CDK14: variants seen among roughly 807,000 people sequenced by gnomAD.
CDK14 encodes cyclin-dependent kinase 14.
CDK14 carries 34 observed loss-of-function variants against 60.7 expected under a neutral mutation model. That is an observed-to-expected ratio of 0.56 (90% CI 0.43 to 0.75). The LOEUF is 0.75. Ranked by LOEUF, CDK14 falls within the 30% of genes least tolerant of loss-of-function variation. CDK14 has a pLI of 0.00. For missense variants in CDK14, 482 were observed against 564.1 expected (o/e 0.85, Z 1.47); for synonymous variants, 197 against 203.7 (o/e 0.97, Z 0.28).
At chr7:90,687,482 AAGG>A (rs773753763) in intron 2 of CDK14, among the ~76,000 whole-genome samples, 29 of 152,256 alleles carry the variant, frequency 1.9e-4, no homozygotes, top group Non-Finnish European at 2.8e-4. Flanking sequence ...GAAGATGGAA[AAGG>A]AGGGCTTTTT....
chr7:90,828,345 T>C (rs1789794926), intron 5 of CDK14, among the ~76,000 whole-genome samples: 1 of 152,218 alleles, frequency 6.6e-6, no homozygotes, highest in Admixed American at 6.5e-5. Context: ...GACACCATTT[T>C]GTATAGTCAG....
intron 10 of CDK14, among the ~76,000 whole-genome samples, chr7:91,035,355 G>T (rs546573242): frequency 1.3e-5 from 2 of 152,112 alleles, no homozygotes; most frequent in Non-Finnish European, 2.9e-5. Context: ...CCTCATAAAG[G>T]TGCTGATTCC....
intron 2 of CDK14, among the ~76,000 whole-genome samples, chr7:90,642,249 C>T (rs1224599746): frequency 6.6e-6 from 1 of 152,186 alleles, no homozygotes; most frequent in Non-Finnish European, 1.5e-5. Context: ...CCAGAAATGA[C>T]ATACTTTGCA....
intron 11 of CDK14, among the ~76,000 whole-genome samples, chr7:91,047,872 C>G (rs1797285245): frequency 6.6e-6 from 1 of 152,112 alleles, no homozygotes; most frequent in African/African-American, 2.4e-5. Flanking sequence ...ACTTACCAGA[C>G]CATCCAGGGG....
At chr7:90,726,311 GC>G in intron 2 of CDK14, 1 of 983,976 alleles carries the variant, frequency 1.0e-6, no homozygotes, top group Non-Finnish European at 1.2e-6. Context: ...GGTACTACTA[GC>G]AGCCTGGGCC....
rs1231596182 is a variant in CDK14, at chr7:91,077,886, A to G, written c.1106-1546A>G. ...AGAATCCAATATTAAATTTGGTACC[A>G]GCTATGAAAAGTGAAATTTGAAACA... On this transcript the variant is annotated intron_variant, in intron 11 of 14. Transcript: ENST00000380050. 2.0e-5 allele frequency among the ~76,000 whole-genome samples: 3 copies of G among 152,128 alleles called. No homozygotes were observed. The East Asian group carries it at 5.8e-4, about 29-fold the overall frequency.
chr7:90,772,636 T>C (rs1312125672), intron 4 of CDK14, among the ~76,000 whole-genome samples: 1 of 152,178 alleles, frequency 6.6e-6, no homozygotes, highest in Non-Finnish European at 1.5e-5. Flanking sequence ...TGCTTCCCCT[T>C]CGCCCTTCTG....
chr7:90,861,619 C>T (rs1791012080), intron 5 of CDK14, among the ~76,000 whole-genome samples: 1 of 151,814 alleles, frequency 6.6e-6, no homozygotes, highest in Admixed American at 6.6e-5. Flanking sequence ...AACGGTGGTA[C>T]CTGTTAAGAC....
intron 5 of CDK14, among the ~76,000 whole-genome samples, chr7:90,852,488 A>G (rs900908560): frequency 5.3e-5 from 6 of 112,960 alleles, no homozygotes; most frequent in African/African-American, 1.8e-4. Context: ...AATAATGTGA[A>G]GCAGAAAAGT....
rs199768698 is a variant in CDK14 at position 91,112,700 on chromosome 7, C to T, written c.1294+19C>T. 1.3e-5 allele frequency: 21 copies of T among 1,612,114 alleles called. No homozygotes were observed. Among genetic ancestry groups the T allele is most frequent in the Middle Eastern group, 3.3e-4 (2 of 6,054 alleles). ...ACCGACAGTGAGTATGACAAATCCA[C>T]AACATCCAGTCCAAGCAGACACATC... is the stretch of plus-strand genomic sequence containing the variant. On this transcript the variant is annotated intron_variant, in intron 13 of 14. Coordinates refer to ENST00000380050, the MANE Select transcript of CDK14 (RefSeq NM_001287135.2).
chr7:90,796,097 T>C (rs903251242), intron 5 of CDK14, among the ~76,000 whole-genome samples: 2 of 152,116 alleles, frequency 1.3e-5, no homozygotes, highest in South Asian at 4.1e-4. Context: ...GGCAACATAA[T>C]TTCATTTTAA....
chr7:91,061,945 A>C (rs1797807678), intron 11 of CDK14, among the ~76,000 whole-genome samples: 1 of 152,172 alleles, frequency 6.6e-6, no homozygotes, highest in Non-Finnish European at 1.5e-5. Flanking sequence ...AAGGACATTT[A>C]AGTCTGTAGA....
At position 90,821,471 on chromosome 7, in the gene CDK14, C is replaced by T. The variant is rs1789547320; in HGVS notation, c.544+30819C>T. On this transcript the variant is annotated intron_variant, in intron 5 of 14. Coordinates refer to ENST00000380050, the MANE Select transcript of CDK14 (RefSeq NM_001287135.2). ...TTTGTTCGTGTGGCTGTCCTTTGCTCTGTAACTGCCCTCTGAGTCTCCTCC... is the reference window on the plus strand; with the variant it reads ...TTTGTTCGTGTGGCTGTCCTTTGCTTTGTAACTGCCCTCTGAGTCTCCTCC... Among the ~76,000 whole-genome samples, 5 of 152,326 alleles carry T rather than the reference C, an allele frequency of 3.3e-5. No individual in the cohort carries two copies. The South Asian group carries it at 8.3e-4, about 25-fold the overall frequency.
intron 2 of CDK14, among the ~76,000 whole-genome samples, chr7:90,606,638 A>G (rs1468549248): frequency 6.6e-6 from 1 of 152,224 alleles, no homozygotes; most frequent in East Asian, 1.9e-4. Context: ...GATGACTTGC[A>G]TATTAAAACT....
intron 2 of CDK14, among the ~76,000 whole-genome samples, chr7:90,671,199 T>C (rs10257370): frequency 0.75 from 114,328 of 151,964 alleles, 43,644 homozygotes; most frequent in East Asian, 0.96. Context: ...ATTGTCAGCA[T>C]ACCTATTTCC....
intron 4 of CDK14, among the ~76,000 whole-genome samples, chr7:90,772,301 C>A (rs1804816005): frequency 6.6e-6 from 1 of 152,284 alleles, no homozygotes; most frequent in African/African-American, 2.4e-5. Context: ...ACCAATAAAT[C>A]AAAATGCAGG....
rs559848335 is a variant in CDK14 at position 91,113,513 on chromosome 7, G to A, written c.1294+832G>A. Among the ~76,000 whole-genome samples the A allele has an allele frequency of 1.1e-4, 17 of 152,198 alleles. 1 individual carries two copies. The South Asian group carries it at 2.5e-3, about 22-fold the overall frequency. ...GTGAAATTTTGTAAAAACTATTGCC[G>A]TCAGAATATTTTTGTTCAATGGTGA... On this transcript the variant is annotated intron_variant, in intron 13 of 14. Coordinates refer to ENST00000380050, the MANE Select transcript of CDK14 (RefSeq NM_001287135.2).
chr7:90,939,556 G>C (rs540022973), intron 8 of CDK14, among the ~76,000 whole-genome samples: 1 of 152,292 alleles, frequency 6.6e-6, no homozygotes, highest in South Asian at 2.1e-4. Flanking sequence ...TTGGTTATTA[G>C]TACAGTCTTC....
At chr7:91,177,469 G>A (rs1385227623) in intron 14 of CDK14, among the ~76,000 whole-genome samples, 1 of 140,486 alleles carries the variant, frequency 7.1e-6, no homozygotes, top group Non-Finnish European at 1.6e-5. Flanking sequence ...GGGCAATCAG[G>A]CAGGAGAAGG....
Sources: gnomAD v4.1 joint callset for allele counts (sites outside exome capture counted in the v4.1 genomes callset) on GRCh38, gnomAD v4.1.1 for gene constraint, MANE v1.5 for transcripts, NCBI Gene and HGNC (gene_info 2026-07-23, HGNC 2026-07-21) for gene names.